The following SPOCK3 variants were observed in gnomAD, a reference collection of about 807,000 sequenced individuals.
SPOCK3 encodes the protein testican-3.
In SPOCK3, 30 loss-of-function variants were observed where a neutral mutation model predicts 56.6. That is an observed-to-expected ratio of 0.53 (90% CI 0.40 to 0.72). The LOEUF is 0.72. SPOCK3 is among the 30% of genes least tolerant of loss of function. SPOCK3 has a pLI of 0.00. For synonymous variants in SPOCK3, 196 were observed against 183.3 expected (o/e 1.07, Z -0.56); for missense variants, 527 against 530.0 (o/e 0.99, Z 0.06).
chr4:167,149,470 G>A (rs1412094055), intron 2 of SPOCK3, among the ~76,000 whole-genome samples: 2 of 151,978 alleles, frequency 1.3e-5, no homozygotes, highest in African/African-American at 2.4e-5. Flanking sequence ...ATGCCAATGG[G>A]ATACTATAAA....
In SPOCK3 at chr4:167,094,675, TTAA is replaced by T. The variant is rs1194783089; in HGVS notation, c.190-32141_190-32139del. Among the ~76,000 whole-genome samples, 5 of 152,164 alleles carry T rather than the reference TTAA, an allele frequency of 3.3e-5. No homozygotes were observed. In the East Asian group the frequency reaches 5.8e-4, roughly 18 times the overall value. On this transcript the variant is annotated intron_variant, in intron 2 of 10. Transcript: ENST00000357545. ...AGGAACGCGAGAGTTAGTATTATAC[TTAA>T]TGATGTGAAACTAGACACTTTCCTT...
intron 3 of SPOCK3, among the ~76,000 whole-genome samples, chr4:167,045,475 T>C (rs958625548): frequency 1.3e-5 from 2 of 152,084 alleles, no homozygotes; most frequent in Non-Finnish European, 2.9e-5. Context: ...CTATTTTCTT[T>C]CATTTTTTGC....
chr4:167,228,485 T>C (rs1380748354), intron 2 of SPOCK3, among the ~76,000 whole-genome samples: 2 of 151,962 alleles, frequency 1.3e-5, no homozygotes, highest in Non-Finnish European at 2.9e-5. Context: ...CCTGACAGAG[T>C]CTGATAATGT....
chr4:167,029,923 A>G (rs1353039789), intron 3 of SPOCK3, among the ~76,000 whole-genome samples: 1 of 151,990 alleles, frequency 6.6e-6, no homozygotes, highest in African/African-American at 2.4e-5. Context: ...TCTATTATTC[A>G]AAATGTATTC....
chr4:166,922,768 G>T (rs1738642432), intron 4 of SPOCK3, among the ~76,000 whole-genome samples: 1 of 152,160 alleles, frequency 6.6e-6, no homozygotes, highest in African/African-American at 2.4e-5. Flanking sequence ...GGCAGTAAAA[G>T]ATGTCATTTT....
chr4:167,054,354 T>C (rs192186552), intron 3 of SPOCK3, among the ~76,000 whole-genome samples: 1 of 152,240 alleles, frequency 6.6e-6, no homozygotes, highest in Non-Finnish European at 1.5e-5. Context: ...AAAGCATTGA[T>C]TAATTGTTTA....
chr4:167,200,200 C>A (rs546793797), intron 2 of SPOCK3, among the ~76,000 whole-genome samples: 5 of 152,008 alleles, frequency 3.3e-5, no homozygotes, highest in Non-Finnish European at 5.9e-5. Flanking sequence ...GAAGGGGATT[C>A]ATTTACTTGA....
At chr4:167,123,852 TCTC>T (rs1762070021) in intron 2 of SPOCK3, among the ~76,000 whole-genome samples, 1 of 151,246 alleles carries the variant, frequency 6.6e-6, no homozygotes, top group Non-Finnish European at 1.5e-5. Flanking sequence ...TTCAAGAAAT[TCTC>T]CTGCCTCAGC....
At chr4:167,098,244 C>T (rs573077747) in intron 2 of SPOCK3, among the ~76,000 whole-genome samples, 62 of 151,974 alleles carry the variant, frequency 4.1e-4, no homozygotes, top group Non-Finnish European at 7.8e-4. Flanking sequence ...GAATCTTTCT[C>T]AGAGATTTAC....
chr4:166,832,139 T>G (rs532966914), intron 6 of SPOCK3, among the ~76,000 whole-genome samples: 3 of 152,132 alleles, frequency 2.0e-5, no homozygotes, highest in African/African-American at 7.2e-5. Context: ...TTTGGAGAAC[T>G]TAGTCATCAA....
chr4:167,143,646 T>C (rs1199448817), intron 2 of SPOCK3, among the ~76,000 whole-genome samples: 1 of 151,890 alleles, frequency 6.6e-6, no homozygotes, highest in Non-Finnish European at 1.5e-5. Flanking sequence ...TCCCTGAAAT[T>C]GGGCTGGTTT....
chr4:166,777,169 A>G (rs775510051), intron 7 of SPOCK3, among the ~76,000 whole-genome samples: 1 of 152,236 alleles, frequency 6.6e-6, no homozygotes, highest in Non-Finnish European at 1.5e-5. Context: ...GGTTTTTAAT[A>G]TAATTCAAAT....
At chr4:166,921,994 C>T (rs1273977891) in intron 4 of SPOCK3, among the ~76,000 whole-genome samples, 1 of 152,172 alleles carries the variant, frequency 6.6e-6, no homozygotes, top group East Asian at 1.9e-4. Context: ...CCGGGCTGCA[C>T]AGTAGGAGGT....
chr4:167,143,528 C>T (rs1366414838), intron 2 of SPOCK3, among the ~76,000 whole-genome samples: 1 of 151,894 alleles, frequency 6.6e-6, no homozygotes, highest in East Asian at 1.9e-4. Flanking sequence ...GTAGAAAAGC[C>T]AACTACTGTA....
chr4:167,138,606 T>C (rs1763297103), intron 2 of SPOCK3, among the ~76,000 whole-genome samples: 1 of 151,868 alleles, frequency 6.6e-6, no homozygotes, highest in Non-Finnish European at 1.5e-5. Flanking sequence ...TTGGATCCTG[T>C]AAATAAAAAT....
chr4:166,794,525 G>A (rs1369980016), intron 6 of SPOCK3, among the ~76,000 whole-genome samples: 5 of 151,132 alleles, frequency 3.3e-5, no homozygotes, highest in Admixed American at 6.6e-5. Flanking sequence ...GTACTATATA[G>A]CTGTATTAAT....
At chr4:167,055,928 C>A (rs1754778809) in intron 3 of SPOCK3, among the ~76,000 whole-genome samples, 1 of 152,194 alleles carries the variant, frequency 6.6e-6, no homozygotes, top group South Asian at 2.1e-4. Context: ...ATGTCCCTGT[C>A]TGACAGCTTT....
chr4:166,970,555 C>A (rs1745260749), intron 4 of SPOCK3, among the ~76,000 whole-genome samples: 1 of 151,884 alleles, frequency 6.6e-6, no homozygotes, highest in South Asian at 2.1e-4. Flanking sequence ...GAAACTCTGT[C>A]TTTACTAAGA....
At chr4:166,797,104 G>GACTCT (rs74281518) in intron 6 of SPOCK3, among the ~76,000 whole-genome samples, 5,957 of 151,976 alleles carry the variant, frequency 0.039, 122 homozygotes, top group East Asian at 0.058. Flanking sequence ...TTACTTGTTG[G>GACTCT]ACTCTTAATT....
Sources: gnomAD v4.1 joint callset for allele counts (sites outside exome capture counted in the v4.1 genomes callset) on GRCh38, gnomAD v4.1.1 for gene constraint, MANE v1.5 for transcripts, NCBI Gene and HGNC (gene_info 2026-07-23, HGNC 2026-07-21) for gene names.